RFX6: variants seen among roughly 807,000 people sequenced by gnomAD.
The protein encoded by RFX6 is DNA-binding protein RFX6.
In RFX6, 50 loss-of-function variants were observed where a neutral mutation model predicts 110.8. The observed-to-expected ratio is 0.45, with a 90% CI of 0.36 to 0.57. The LOEUF is 0.57. RFX6 is among the 20% of genes least tolerant of loss of function. The pLI, the probability that RFX6 is intolerant of heterozygous loss-of-function variation, is 0.00. For missense variants in RFX6, 990 were observed against 1,127.0 expected (o/e 0.88, Z 1.74); for synonymous variants, 383 against 411.2 (o/e 0.93, Z 0.83).
intron 18 of RFX6, among the ~76,000 whole-genome samples, chr6:116,929,594 T>C (rs1404923789): frequency 6.6e-6 from 1 of 152,208 alleles, no homozygotes; most frequent in Non-Finnish European, 1.5e-5. Flanking sequence ...AGGTTACATT[T>C]CTTAATCCTC....
intron 6 of RFX6, among the ~76,000 whole-genome samples, chr6:116,909,772 A>C (rs1313189836): frequency 1.2e-5 from 1 of 85,622 alleles, no homozygotes; most frequent in Non-Finnish European, 2.0e-5. Context: ...TTTGAGACGG[A>C]GTCTTGCTCT....
chr6:116,930,559 G>C (rs191951922), intron 18 of RFX6, among the ~76,000 whole-genome samples: 1 of 152,264 alleles, frequency 6.6e-6, no homozygotes, highest in East Asian at 1.9e-4. Context: ...ATGACAGACA[G>C]TAAAGGAGGA....
In RFX6 at chr6:116,923,099, A is replaced by C. The variant is rs146432295; in HGVS notation, c.1438-8A>C. 7.6e-6 allele frequency: 11 copies of C among 1,444,688 alleles called. No individual in the cohort carries two copies. Among genetic ancestry groups the C allele is most frequent in the Non-Finnish European group, 6.8e-6 (7 of 1,025,550 alleles). 89.5% of individuals were successfully genotyped at this position (1,444,688 alleles called of 1,614,324 possible). A position where few individuals can be genotyped will look rare whatever the true frequency, so the allele number is the denominator to read the frequency against. Reference sequence around the variant, plus strand: ...TTTTATAGTTTCATTTTGTTCCTTTACTTTTAGACCAGCAAACAAAATGGA... The same window carrying C: ...TTTTATAGTTTCATTTTGTTCCTTTCCTTTTAGACCAGCAAACAAAATGGA... On this transcript the variant is annotated splice_region_variant and splice_polypyrimidine_tract_variant and intron_variant, in intron 13 of 18. Coordinates refer to ENST00000332958, the MANE Select transcript of RFX6 (RefSeq NM_173560.4).
chr6:116,922,871 G>A (rs914115171), intron 13 of RFX6, among the ~76,000 whole-genome samples: 10 of 151,936 alleles, frequency 6.6e-5, no homozygotes, highest in Admixed American at 2.0e-4. Context: ...ATTTCATTTT[G>A]TTGTCTAATT....
At chr6:116,894,085 A>G (rs750190662) in intron 5 of RFX6, 21 bp downstream of exon 5, 29 of 1,283,700 alleles carry the variant, frequency 2.3e-5, no homozygotes, top group Non-Finnish European at 3.2e-5. Flanking sequence ...ACCATCTTCA[A>G]GACAAATTCT....
At chr6:116,879,028 T>C (rs531432780) in intron 2 of RFX6, among the ~76,000 whole-genome samples, 70 of 151,946 alleles carry the variant, frequency 4.6e-4, no homozygotes, top group Non-Finnish European at 8.3e-4. Context: ...CTGGGATATT[T>C]AGGATACAAC....
chr6:116,911,902 TA>T (rs938031233), intron 7 of RFX6, among the ~76,000 whole-genome samples: 4 of 152,042 alleles, frequency 2.6e-5, no homozygotes, highest in Admixed American at 6.6e-5. Flanking sequence ...CACATTGATT[TA>T]AAAAAAATTT....
intron 6 of RFX6, among the ~76,000 whole-genome samples, chr6:116,905,444 C>A (rs1775177360): frequency 6.6e-6 from 1 of 151,962 alleles, no homozygotes; most frequent in South Asian, 2.1e-4. Context: ...TATATTAATC[C>A]CTTATGAAAC....
intron 7 of RFX6, among the ~76,000 whole-genome samples, chr6:116,915,067 C>T (rs1380950044): frequency 4.6e-5 from 7 of 151,974 alleles, no homozygotes; most frequent in South Asian, 4.1e-4. Flanking sequence ...CTTTTTTTCA[C>T]GTAGAGTACA....
chr6:116,901,579 A>G (rs1458690587), intron 6 of RFX6, among the ~76,000 whole-genome samples: 1 of 152,218 alleles, frequency 6.6e-6, no homozygotes, highest in Non-Finnish European at 1.5e-5. Context: ...TAACAGTGCT[A>G]GTTGGCATTC....
intron 6 of RFX6, among the ~76,000 whole-genome samples, chr6:116,896,841 G>T (rs1215277033): frequency 2.6e-5 from 4 of 152,194 alleles, no homozygotes; most frequent in Non-Finnish European, 5.9e-5. Context: ...CATATTTACA[G>T]CTAAGAACAA....
chr6:116,922,022 T>C lies in RFX6; in HGVS notation c.1328-20T>C, dbSNP rs534713935. On this transcript the variant is annotated intron_variant, in intron 12 of 18. Transcript: ENST00000332958. ...ATATTCTGTTTTCTTTTCTTTCTTT[T>C]TTTTTTTTTTCCTGGGTAGATGACT... 167 of 1,087,174 alleles carry C rather than the reference T, an allele frequency of 1.5e-4. 1 individual carries two copies. The highest frequency in any genetic ancestry group is 8.5e-4 in the South Asian group (65 of 76,508). 67.3% of individuals were successfully genotyped at this position (1,087,174 alleles called of 1,614,324 possible). A position where few individuals can be genotyped will look rare whatever the true frequency, so the allele number is the denominator to read the frequency against.
At chr6:116,881,886 T>A (rs1774597647) in intron 3 of RFX6, among the ~76,000 whole-genome samples, 1 of 152,056 alleles carries the variant, frequency 6.6e-6, no homozygotes, top group Non-Finnish European at 1.5e-5. Flanking sequence ...AAATGTTTAA[T>A]CAGATCCTAA....
At chr6:116,896,743 C>T (rs1774956558) in intron 6 of RFX6, among the ~76,000 whole-genome samples, 1 of 152,040 alleles carries the variant, frequency 6.6e-6, no homozygotes, top group Non-Finnish European at 1.5e-5. Context: ...GACCAACCAT[C>T]GTTGGTGTGC....
intron 6 of RFX6, among the ~76,000 whole-genome samples, chr6:116,907,290 G>A (rs776479816): frequency 1.1e-4 from 17 of 152,034 alleles, no homozygotes; most frequent in East Asian, 3.9e-4. Context: ...TTGCATCAAA[G>A]TTCATAAGGG....
intron 2 of RFX6, 24 bp downstream of exon 2, chr6:116,877,976 C>G: frequency 6.2e-7 from 1 of 1,610,054 alleles, no homozygotes; most frequent in Non-Finnish European, 8.5e-7. Flanking sequence ...GCAGGGTACA[C>G]TGAAGCACCT....
intron 4 of RFX6, among the ~76,000 whole-genome samples, chr6:116,888,106 C>T (rs1774738763): frequency 6.6e-6 from 1 of 152,144 alleles, no homozygotes; most frequent in African/African-American, 2.4e-5. Flanking sequence ...CCCTGAACAG[C>T]TTAATCCCAT....
chr6:116,878,051 CT>C (rs1774504234), intron 2 of RFX6, 99 bp downstream of exon 2: 1 of 1,290,158 alleles, frequency 7.8e-7, no homozygotes, highest in Admixed American at 2.1e-5. Flanking sequence ...CTTCCTCAAA[CT>C]TTTTGGGAAA....
At chr6:116,914,632 C>T (rs1478525310) in intron 7 of RFX6, among the ~76,000 whole-genome samples, 1 of 152,170 alleles carries the variant, frequency 6.6e-6, no homozygotes, top group African/African-American at 2.4e-5. Flanking sequence ...ACAGCTCCTT[C>T]AGATGGATCA....
Sources: allele counts gnomAD v4.1 joint callset (sites outside exome capture counted in the v4.1 genomes callset), GRCh38; gene constraint gnomAD v4.1.1; transcripts MANE v1.5; gene names NCBI Gene and HGNC (gene_info 2026-07-23, HGNC 2026-07-21).